Variants in DNAJC6 observed in about 807,000 individuals in gnomAD.
DNAJC6 encodes the protein DnaJ heat shock protein family (Hsp40) member C6, also known as auxilin.
A neutral mutation model predicts 110.0 loss-of-function variants in DNAJC6; 34 were observed. The observed-to-expected ratio is 0.31, with a 90% CI of 0.24 to 0.41. The LOEUF is 0.41. DNAJC6 is among the 10% of genes least tolerant of loss of function. The pLI, the probability that DNAJC6 is intolerant of heterozygous loss-of-function variation, is 1.00. For synonymous variants in DNAJC6, 406 were observed against 437.2 expected (o/e 0.93, Z 0.89); for missense variants, 1,031 against 1,207.8 (o/e 0.85, Z 2.17).
At chr1:65,309,108 A>C (rs1327424919), upstream of DNAJC6, among the ~76,000 whole-genome samples, 2 of 152,114 alleles carry the variant, frequency 1.3e-5, no homozygotes, top group African/African-American at 2.4e-5. Context: ...AAAATAGGCT[A>C]AGTTGCATGA....
At chr1:65,374,075 A>T (rs1326226300) in intron 4 of DNAJC6, among the ~76,000 whole-genome samples, 2 of 152,184 alleles carry the variant, frequency 1.3e-5, no homozygotes, top group Non-Finnish European at 2.9e-5. Context: ...ATCTTTGTCA[A>T]AGATGAATTG....
At chr1:65,348,234 G>A (rs1050220186) in intron 1 of DNAJC6, among the ~76,000 whole-genome samples, 3 of 152,188 alleles carry the variant, frequency 2.0e-5, no homozygotes, top group South Asian at 2.1e-4. Flanking sequence ...GAAATTTGTC[G>A]ATAATTATTT....
chr1:65,378,342 T>C (rs1467238222), intron 4 of DNAJC6, among the ~76,000 whole-genome samples: 1 of 152,072 alleles, frequency 6.6e-6, no homozygotes, highest in Non-Finnish European at 1.5e-5. Context: ...AGGACTTCAT[T>C]TTTTTCAAAC....
chr1:65,325,294 A>G (rs1211957003), intron 1 of DNAJC6, among the ~76,000 whole-genome samples: 1 of 152,232 alleles, frequency 6.6e-6, no homozygotes, highest in Non-Finnish European at 1.5e-5. Flanking sequence ...ATAAAAAAGG[A>G]AAAGAAACAA....
At chr1:65,281,961 C>G (rs1557496279) in intron 1 of DNAJC6, among the ~76,000 whole-genome samples, 1 of 152,092 alleles carries the variant, frequency 6.6e-6, no homozygotes, top group Non-Finnish European at 1.5e-5. Flanking sequence ...GAGTCTGGCC[C>G]AGTCACCAGG....
intron 4 of DNAJC6, among the ~76,000 whole-genome samples, chr1:65,373,629 T>G (rs1053864956): frequency 2.5e-5 from 1 of 39,846 alleles, no homozygotes; most frequent in African/African-American, 8.4e-5. Flanking sequence ...TTTTAATTTG[T>G]TTTTTTTTTT....
chr1:65,298,283 T>G (rs1198222598), intron 1 of DNAJC6, among the ~76,000 whole-genome samples: 1 of 152,128 alleles, frequency 6.6e-6, no homozygotes, highest in Non-Finnish European at 1.5e-5. Flanking sequence ...TACTTGAAAA[T>G]GAGGCAAGTT....
At chr1:65,272,968 T>C in intron 1 of DNAJC6, among the ~76,000 whole-genome samples, 1 of 152,246 alleles carries the variant, frequency 6.6e-6, no homozygotes, top group East Asian at 1.9e-4. Context: ...TATTCTCTTA[T>C]GATCTTTAAA....
intron 1 of DNAJC6, among the ~76,000 whole-genome samples, chr1:65,358,512 T>C (rs1645568795): frequency 6.6e-6 from 1 of 152,216 alleles, no homozygotes; most frequent in Non-Finnish European, 1.5e-5. Flanking sequence ...ATAAAGAATT[T>C]AGATCAGTGG....
intron 1 of DNAJC6, among the ~76,000 whole-genome samples, chr1:65,329,727 C>G (rs1236939558): frequency 6.6e-6 from 1 of 152,096 alleles, no homozygotes; most frequent in South Asian, 2.1e-4. Flanking sequence ...CCTGATTCTT[C>G]CAAGACTTAG....
At chr1:65,335,406 G>C (rs759201774) in intron 1 of DNAJC6, among the ~76,000 whole-genome samples, 1 of 151,918 alleles carries the variant, frequency 6.6e-6, no homozygotes, top group Non-Finnish European at 1.5e-5. Flanking sequence ...GAGCCACCAG[G>C]CCCAGCCTAT....
intron 15 of DNAJC6, among the ~76,000 whole-genome samples, chr1:65,402,377 T>C (rs887420930): frequency 2.0e-5 from 3 of 152,218 alleles, no homozygotes; most frequent in African/African-American, 7.2e-5. Context: ...AAGTATCGTA[T>C]TTCCAGAATA....
At position 65,398,835 on chromosome 1, in the gene DNAJC6, C is replaced by T. The variant is rs778381744; in HGVS notation, c.2061C>T (p.Asn687=). The change falls in exon 14 of 19, where the codon AAC becomes AAT. Residue 687 remains asparagine, a synonymous_variant. Transcript: ENST00000371069. ...CAGCTTCTAGTACGCCTGCTGTGAA[C>T]ATTCAGCCAGATGTTTCTGGAGGTT... The part of the protein sequence containing the change: ...TVHASSTPAV[N]IQPDVSGGWD... 16 of 1,613,982 alleles carry T rather than the reference C, an allele frequency of 9.9e-6. No homozygotes were observed. The highest frequency in any genetic ancestry group is 2.2e-5 in the East Asian group (1 of 44,898).
chr1:65,357,746 G>T (rs1213946800), intron 1 of DNAJC6, among the ~76,000 whole-genome samples: 1 of 152,226 alleles, frequency 6.6e-6, no homozygotes, highest in Non-Finnish European at 1.5e-5. Flanking sequence ...CAGGCCAGCT[G>T]AGAAACTTGT....
Position 65,389,271 on chromosome 1 carries a change from A to G in DNAJC6, c.1209A>G (p.Ala403=), listed in dbSNP as rs778651457. 2.3e-5 allele frequency: 37 copies of G among 1,614,062 alleles called. No individual in the cohort carries two copies. The South Asian group carries it at 3.7e-4, about 16-fold the overall frequency. Reference sequence around the variant, plus strand: ...CCCTATTTAGGCCTGAGTTAGATGCATGTGATGTACCAGAAAAATATCCTC... The same window carrying G: ...CCCTATTTAGGCCTGAGTTAGATGCGTGTGATGTACCAGAAAAATATCCTC... The part of the protein sequence containing the change: ...VLKFTKPELD[A]CDVPEKYPQL... Residue 403 remains alanine (A), a synonymous_variant, in exon 10 of 19, where the codon GCA becomes GCG. Coordinates refer to ENST00000371069, the MANE Select transcript of DNAJC6 (RefSeq NM_001256864.2).
chr1:65,339,616 C>T (rs887344630), intron 1 of DNAJC6, among the ~76,000 whole-genome samples: 29 of 152,292 alleles, frequency 1.9e-4, no homozygotes, highest in Middle Eastern at 3.4e-3. Flanking sequence ...GTGCTTGGCA[C>T]TGTGTATGGA....
At chr1:65,340,260 T>C (rs1004433602) in intron 1 of DNAJC6, among the ~76,000 whole-genome samples, 1 of 152,204 alleles carries the variant, frequency 6.6e-6, no homozygotes, top group African/African-American at 2.4e-5. Context: ...CGAGGGATGA[T>C]GGCTCCACTG....
intron 1 of DNAJC6, among the ~76,000 whole-genome samples, chr1:65,299,993 T>C (rs574887866): frequency 8.8e-5 from 13 of 148,008 alleles, no homozygotes; most frequent in Admixed American, 5.5e-4. Flanking sequence ...TGAGTCAAGA[T>C]TGCGCCACTG....
chr1:65,284,790 G>A (rs1653961254), intron 1 of DNAJC6, among the ~76,000 whole-genome samples: 1 of 151,920 alleles, frequency 6.6e-6, no homozygotes. Flanking sequence ...CCAGGTTCAA[G>A]CAATTCTCCT....
Sources: allele counts gnomAD v4.1 joint callset (sites outside exome capture counted in the v4.1 genomes callset), GRCh38; gene constraint gnomAD v4.1.1; transcripts MANE v1.5; gene names NCBI Gene and HGNC (gene_info 2026-07-23, HGNC 2026-07-21).